The following RNF144B variants were observed in gnomAD, a reference collection of about 807,000 sequenced individuals.
RNF144B encodes E3 ubiquitin-protein ligase RNF144B.
Under a neutral mutation model 40.2 loss-of-function variants are expected in RNF144B, and 25 were observed. That is an observed-to-expected ratio of 0.62 (90% CI 0.45 to 0.87). The LOEUF is 0.87. Ranked by LOEUF, RNF144B falls within the 40% of genes least tolerant of loss-of-function variation. The probability of loss-of-function intolerance (pLI) is 0.00; values close to 1 mark genes in which losing one functional copy is unlikely to be tolerated. For missense variants in RNF144B, 365 were observed against 373.7 expected (o/e 0.98, Z 0.19); for synonymous variants, 145 against 136.3 (o/e 1.06, Z -0.44).
intron 1 of RNF144B, among the ~76,000 whole-genome samples, chr6:18,388,529 TAGAGTA>T (rs2113447182): frequency 6.6e-6 from 1 of 152,302 alleles, no homozygotes; most frequent in African/African-American, 2.4e-5. Context: ...GCTGGCTAAT[TAGAGTA>T]TCTGTCTGCC....
In RNF144B at chr6:18,447,407, A is replaced by G. The variant is rs1245374854; in HGVS notation, c.331+7663A>G. Among the ~76,000 whole-genome samples the G allele has an allele frequency of 6.6e-6, 1 of 152,156 alleles. No homozygotes were observed. Among genetic ancestry groups the G allele is most frequent in the African/African-American group, 2.4e-5 (1 of 41,444 alleles). ...AGGAGGTAATTTGAAAGTGTTAGTC[A>G]AGGGCCTGATCCCATAGATTATGAA... On this transcript the variant is annotated intron_variant, in intron 4 of 7. Transcript: ENST00000259939. The surrounding 1 kb of genome is among the most constrained non-coding windows in gnomAD (Gnocchi z 5.6).
chr6:18,466,843 A>C lies in RNF144B; in HGVS notation c.*1776A>C, dbSNP rs1388617616. On this transcript the variant is annotated 3_prime_UTR_variant, in exon 8 of 8. Coordinates refer to ENST00000259939, the MANE Select transcript of RNF144B (RefSeq NM_182757.4). ...TTGATATCTGATGTGTGTATAGTAC[A>C]TCTGTTGGTTATGTACATTTTAATT... 1 of 152,654 alleles carries C rather than the reference A, an allele frequency of 6.6e-6. No homozygotes were observed. The highest frequency in any genetic ancestry group is 2.4e-5 in the African/African-American group (1 of 41,446). 9.5% of individuals were successfully genotyped at this position (152,654 alleles called of 1,614,324 possible).
Position 18,413,444 on chromosome 6 carries a change from G to A in RNF144B, c.165+13745G>A, listed in dbSNP as rs114894457. Reference sequence around the variant, plus strand: ...GTAATCAGAATATAGTGGTGGCCATGGCCTCATATTAGAGATTGAGCATGA... The same window carrying A: ...GTAATCAGAATATAGTGGTGGCCATAGCCTCATATTAGAGATTGAGCATGA... On this transcript the variant is annotated intron_variant, in intron 2 of 7. Coordinates refer to ENST00000259939, the MANE Select transcript of RNF144B (RefSeq NM_182757.4). Among the ~76,000 whole-genome samples the A allele has an allele frequency of 7.8e-3, 1,190 of 152,320 alleles. 7 individuals are homozygous for A. The highest frequency in any genetic ancestry group is 0.027 in the Middle Eastern group (8 of 294).
chr6:18,434,525 C>G lies in RNF144B; in HGVS notation c.271-5159C>G, dbSNP rs1321210350. 3.9e-5 allele frequency among the ~76,000 whole-genome samples: 6 copies of G among 152,192 alleles called. No individual in the cohort carries two copies. The highest frequency in any genetic ancestry group is 4.8e-5 in the African/African-American group (2 of 41,526). On this transcript the variant is annotated intron_variant, in intron 3 of 7. Transcript: ENST00000259939. This position sits in a 1 kb window ranked among gnomAD's most constrained non-coding sequence, Gnocchi z 4.1. ...TTGTGTGTAACAGTTACAGCACTCCCGTGTGTAGGTGTGGTCTGGCTTCCC... is the reference window on the plus strand; with the variant it reads ...TTGTGTGTAACAGTTACAGCACTCCGGTGTGTAGGTGTGGTCTGGCTTCCC...
intron 2 of RNF144B, among the ~76,000 whole-genome samples, chr6:18,409,160 T>G (rs1794978543): frequency 6.6e-6 from 1 of 151,850 alleles, no homozygotes; most frequent in South Asian, 2.1e-4. Context: ...GGTGGATCAC[T>G]TGGGGCCAGG....
chr6:18,411,899 A>G (rs1177272837), intron 2 of RNF144B, among the ~76,000 whole-genome samples: 1 of 152,184 alleles, frequency 6.6e-6, no homozygotes, highest in Admixed American at 6.5e-5. Context: ...TTTTACAAAC[A>G]TAGTACATTG....
rs988589483 is a variant in RNF144B at position 18,410,299 on chromosome 6, T to A, written c.165+10600T>A. Among the ~76,000 whole-genome samples, 8 of 152,164 alleles carry A rather than the reference T, an allele frequency of 5.3e-5. No homozygotes were observed. Among genetic ancestry groups the A allele is most frequent in the African/African-American group, 1.7e-4 (7 of 41,442 alleles). On this transcript the variant is annotated intron_variant, in intron 2 of 7. Transcript: ENST00000259939. The surrounding 1 kb of genome is among the most constrained non-coding windows in gnomAD (Gnocchi z 4.6). The stretch of plus-strand genomic sequence containing the variant: ...ATTTGGTACTAGTGTGTGCCAGGCA[T>A]GGTGTTAATTGTGGAGCAAGTGGCA...
chr6:18,401,364 T>A (rs1420941832), intron 2 of RNF144B, among the ~76,000 whole-genome samples: 1 of 152,202 alleles, frequency 6.6e-6, no homozygotes, highest in African/African-American at 2.4e-5. Flanking sequence ...GTTAGCTTTT[T>A]CAGTCATCTA....
At chr6:18,407,250 G>A (rs1048963064) in intron 2 of RNF144B, among the ~76,000 whole-genome samples, 1 of 152,082 alleles carries the variant, frequency 6.6e-6, no homozygotes, top group Non-Finnish European at 1.5e-5. Context: ...TAAACTACAG[G>A]GGCCAGGGTG....
Position 18,427,689 on chromosome 6 carries a change from T to G in RNF144B, c.270+4T>G, listed in dbSNP as rs780956646. On this transcript the variant is annotated splice_donor_region_variant and intron_variant, in intron 3 of 7. Coordinates refer to ENST00000259939, the MANE Select transcript of RNF144B (RefSeq NM_182757.4). ...CGGGACCCTGCAGGAAGCTGAGGTA[T>G]GAATGACTACCATCATCTTCCCCTC... 6.4e-6 allele frequency: 10 copies of G among 1,550,954 alleles called. No individual in the cohort carries two copies. The highest frequency in any genetic ancestry group is 8.9e-6 in the Non-Finnish European group (10 of 1,122,882).
rs1795077326 is a variant in RNF144B, at chr6:18,412,941, A to G, written c.165+13242A>G. Among the ~76,000 whole-genome samples, 1 of 152,192 alleles carries G rather than the reference A, an allele frequency of 6.6e-6. No homozygotes were observed. The highest frequency in any genetic ancestry group is 6.5e-5 in the Admixed American group (1 of 15,282). On this transcript the variant is annotated intron_variant, in intron 2 of 7. Transcript: ENST00000259939. This position sits in a 1 kb window ranked among gnomAD's most constrained non-coding sequence, Gnocchi z 4.2. ...GTAGGGTATTTTTTCAATCTGCTTA[A>G]ACCTCATTTTATTCATCTGTTTAAA...
At chr6:18,433,169 G>A (rs1160526855) in intron 3 of RNF144B, among the ~76,000 whole-genome samples, 3 of 152,272 alleles carry the variant, frequency 2.0e-5, no homozygotes, top group Non-Finnish European at 4.4e-5. Flanking sequence ...TATCATGGTG[G>A]GAAGCTAGGG....
In RNF144B at chr6:18,419,681, A is replaced by G. The variant is rs553516994; in HGVS notation, c.166-7900A>G. Reference sequence around the variant, plus strand: ...GTACTGGATTCAGTGACCTAGAGCCACTTCAGTTGAGTGGCAGGGAGGAGT... The same window carrying G: ...GTACTGGATTCAGTGACCTAGAGCCGCTTCAGTTGAGTGGCAGGGAGGAGT... On this transcript the variant is annotated intron_variant, in intron 2 of 7. Transcript: ENST00000259939. This position sits in a 1 kb window ranked among gnomAD's most constrained non-coding sequence, Gnocchi z 4.6. Among the ~76,000 whole-genome samples, 2 of 152,294 alleles carry G rather than the reference A, an allele frequency of 1.3e-5. No individual in the cohort carries two copies. Among genetic ancestry groups the G allele is most frequent in the African/African-American group, 2.4e-5 (1 of 41,576 alleles).
chr6:18,440,991 A>G (rs1161548341), intron 4 of RNF144B, among the ~76,000 whole-genome samples: 1 of 152,112 alleles, frequency 6.6e-6, no homozygotes, highest in Non-Finnish European at 1.5e-5. Context: ...ATAATGTTGA[A>G]CATGGAATCA....
chr6:18,401,619 GATTT>G (rs907486977), intron 2 of RNF144B, among the ~76,000 whole-genome samples: 36 of 152,270 alleles, frequency 2.4e-4, no homozygotes, highest in African/African-American at 7.5e-4. Flanking sequence ...TTTGGTTAGA[GATTT>G]ATTTCTTGTT....
rs1012184366 is a variant in RNF144B at position 18,464,364 on chromosome 6, G to A, written c.772-563G>A. On this transcript the variant is annotated intron_variant, in intron 7 of 7. Coordinates refer to ENST00000259939, the MANE Select transcript of RNF144B (RefSeq NM_182757.4). This position sits in a 1 kb window ranked among gnomAD's most constrained non-coding sequence, Gnocchi z 6.1. Reference sequence around the variant, plus strand: ...CGACAGCTTGAGTTAGCATTTGGATGGTTTCCATCCTTGATTTGGTCCTTT... The same window carrying A: ...CGACAGCTTGAGTTAGCATTTGGATAGTTTCCATCCTTGATTTGGTCCTTT... Among the ~76,000 whole-genome samples the A allele has an allele frequency of 6.6e-6, 1 of 152,122 alleles. No individual in the cohort carries two copies. The highest frequency in any genetic ancestry group is 6.5e-5 in the Admixed American group (1 of 15,274).
chr6:18,411,462 CATATATATATATAT>C (rs767477071), intron 2 of RNF144B, among the ~76,000 whole-genome samples: 862 of 59,354 alleles, frequency 0.015, 73 homozygotes, highest in Middle Eastern at 0.081. Context: ...GTGCATGATT[CATATATATATATAT>C]ATATATATAT....
intron 3 of RNF144B, among the ~76,000 whole-genome samples, chr6:18,428,708 C>G (rs1483479245): frequency 6.6e-6 from 1 of 152,166 alleles, no homozygotes; most frequent in Non-Finnish European, 1.5e-5. Context: ...CACCACCCCC[C>G]AGTTGTTTTC....
At position 18,443,710 on chromosome 6, in the gene RNF144B, TTATC is replaced by T. The variant is rs1313852248; in HGVS notation, c.331+3969_331+3972del. On this transcript the variant is annotated intron_variant, in intron 4 of 7. Coordinates refer to ENST00000259939, the MANE Select transcript of RNF144B (RefSeq NM_182757.4). This position sits in a 1 kb window ranked among gnomAD's most constrained non-coding sequence, Gnocchi z 4.7. ...GGAATTTACATGATTGGGATACACT[TTATC>T]TAATTCTGTCTAAACTTTATCTAAA... is the stretch of plus-strand genomic sequence containing the variant. 1.3e-5 allele frequency among the ~76,000 whole-genome samples: 2 copies of T among 152,212 alleles called. No individual in the cohort carries two copies. The highest frequency in any genetic ancestry group is 2.4e-5 in the African/African-American group (1 of 41,460).
Sources: allele counts gnomAD v4.1 joint callset (sites outside exome capture counted in the v4.1 genomes callset), GRCh38; gene constraint gnomAD v4.1.1; non-coding constraint Gnocchi (gnomAD v3.1); transcripts MANE v1.5; gene names NCBI Gene and HGNC (gene_info 2026-07-23, HGNC 2026-07-21).